USH2A: variants seen among roughly 807,000 people sequenced by gnomAD.
USH2A encodes the protein usherin.
Under a neutral mutation model 538.9 loss-of-function variants are expected in USH2A, and 443 were observed. The ratio of observed to expected loss-of-function variants is 0.82; its 90% CI spans 0.76 to 0.89. The LOEUF is 0.89. USH2A is among the 40% of genes least tolerant of loss of function. The pLI, the probability that USH2A is intolerant of heterozygous loss-of-function variation, is 0.00. For synonymous variants in USH2A, 2,413 were observed against 2,273.5 expected (o/e 1.06, Z -1.75); for missense variants, 6,633 against 6,324.8 (o/e 1.05, Z -1.65).
chr1:216,232,922 T>C (rs2035730305), intron 13 of USH2A, among the ~76,000 whole-genome samples: 1 of 152,178 alleles, frequency 6.6e-6, no homozygotes, highest in South Asian at 2.1e-4. Context: ...ATTGAGAAGG[T>C]TAACACACTT....
rs1036368357 is a variant in USH2A, at chr1:215,691,674, T to C, written c.12067-11298A>G. On this transcript the variant is annotated intron_variant, in intron 61 of 71. Transcript: ENST00000307340. ...TTATGATTATTGCTTGTTGTCTGTC[T>C]TTCCTTGCCAGAATGTAAACTCCAC... 2.0e-5 allele frequency among the ~76,000 whole-genome samples: 3 copies of C among 152,224 alleles called. No individual in the cohort carries two copies. The East Asian group carries it at 5.8e-4, about 29-fold the overall frequency.
At position 215,888,440 on chromosome 1, in the gene USH2A, G is replaced by A; in HGVS notation, c.8209C>T (p.Pro2737Ser). The part of the protein sequence containing the change: ...VQPPVVTVLE[P>S]DAVQVTWKPP... ...CAGTATCTTACCTGGACTGCATCGG[G>A]TTCCAGCACTGTCACCACAGGTGGC... Residue 2737 changes from proline to serine, a missense_variant, in exon 41 of 72, where the codon CCC becomes TCC. Coordinates refer to ENST00000307340, the MANE Select transcript of USH2A (RefSeq NM_206933.4). 6.2e-7 allele frequency: 1 copy of A among 1,613,270 alleles called. No individual in the cohort carries two copies. The highest frequency in any genetic ancestry group is 8.5e-7 in the Non-Finnish European group (1 of 1,180,010).
At chr1:215,743,386 A>ATG (rs61304768) in intron 58 of USH2A, 51 bp from the exon 59 acceptor site, 4,237 of 328,388 alleles carry the variant, frequency 0.013, 410 homozygotes, top group African/African-American at 0.12. Context: ...ATATATATAT[A>ATG]TGTGTGTGTG....
chr1:215,803,919 C>T (rs558642468), intron 49 of USH2A, among the ~76,000 whole-genome samples: 82 of 152,296 alleles, frequency 5.4e-4, no homozygotes, highest in African/African-American at 1.9e-3. Flanking sequence ...CAGCATGGTA[C>T]TGGTACCAAA....
At chr1:215,980,376 G>A (rs1444661494) in intron 35 of USH2A, among the ~76,000 whole-genome samples, 1 of 152,128 alleles carries the variant, frequency 6.6e-6, no homozygotes, top group Non-Finnish European at 1.5e-5. Flanking sequence ...AGACTCTACA[G>A]TGCATACAAC....
chr1:216,219,506 TAA>T (rs1480695836), intron 14 of USH2A, among the ~76,000 whole-genome samples: 3 of 152,140 alleles, frequency 2.0e-5, no homozygotes, highest in East Asian at 3.9e-4. Flanking sequence ...TGTCATTTTA[TAA>T]GTTATCCCTC....
chr1:215,799,012 T>G lies in USH2A; in HGVS notation c.9853A>C (p.Arg3285=). 6.2e-7 allele frequency: 1 copy of G among 1,614,086 alleles called. No individual in the cohort carries two copies. The highest frequency in any genetic ancestry group is 8.5e-7 in the Non-Finnish European group (1 of 1,179,994). The change falls in exon 50 of 72, where the codon AGG becomes CGG. Residue 3285 remains arginine (R), a synonymous_variant. Transcript: ENST00000307340. ...TTCTGGCCATGGCCATCATGAAGCC[T>G]CCCAGCACAGCAAATCTGGTTTCCT... The part of the protein sequence containing the change: ...TSGNQICCAG[R]LHDGHGQKCC...
At chr1:216,235,756 G>T (rs762279313) in intron 13 of USH2A, among the ~76,000 whole-genome samples, 25 of 152,218 alleles carry the variant, frequency 1.6e-4, no homozygotes, top group Non-Finnish European at 3.1e-4. Context: ...GAAAAGAAGT[G>T]TAACCTCTAG....
chr1:215,971,343 A>G (rs1456702607), intron 35 of USH2A, among the ~76,000 whole-genome samples: 1 of 152,196 alleles, frequency 6.6e-6, no homozygotes, highest in African/African-American at 2.4e-5. Context: ...TCAAAAGGGC[A>G]TCTCTTTATA....
intron 62 of USH2A, among the ~76,000 whole-genome samples, chr1:215,679,262 A>G (rs1658142773): frequency 6.6e-6 from 1 of 152,236 alleles, no homozygotes; most frequent in Admixed American, 6.5e-5. Context: ...TATTAAAAGT[A>G]ACAGCTTAGT....
chr1:215,782,884 T>C lies in USH2A; in HGVS notation c.10439A>G (p.Asn3480Ser). The C allele has an allele frequency of 1.2e-6, 2 of 1,613,846 alleles. No homozygotes were observed. The highest frequency in any genetic ancestry group is 1.7e-6 in the Non-Finnish European group (2 of 1,179,870). ...MTYEYRISAW[N>S]SYGRGLSKAV... The stretch of plus-strand genomic sequence containing the variant: ...TTTGCTGAGTCCTCGCCCATAGCTG[T>C]TCCAGGCAGAAATCCTGTACTCATA... Residue 3480 changes from asparagine (N) to serine (S), a missense_variant, in exon 53 of 72, where the codon AAC becomes AGC. Coordinates refer to ENST00000307340, the MANE Select transcript of USH2A (RefSeq NM_206933.4).
At chr1:216,350,426 T>G (rs1407900209) in intron 4 of USH2A, among the ~76,000 whole-genome samples, 2 of 152,152 alleles carry the variant, frequency 1.3e-5, no homozygotes, top group Non-Finnish European at 2.9e-5. Context: ...CCCTTCTACC[T>G]ATGAGCCTGT....
intron 21 of USH2A, among the ~76,000 whole-genome samples, chr1:216,101,103 A>G (rs1240298129): frequency 6.6e-6 from 1 of 152,210 alleles, no homozygotes; most frequent in African/African-American, 2.4e-5. Flanking sequence ...CTTTTGTGCA[A>G]AATCTATGAC....
At chr1:216,057,326 T>C (rs2031010709) in intron 30 of USH2A, among the ~76,000 whole-genome samples, 1 of 152,108 alleles carries the variant, frequency 6.6e-6, no homozygotes, top group South Asian at 2.1e-4. Context: ...TCATAGGCCA[T>C]ATTTTCGTCC....
intron 21 of USH2A, among the ~76,000 whole-genome samples, chr1:216,157,119 A>G (rs2102625614): frequency 6.6e-6 from 1 of 152,148 alleles, no homozygotes; most frequent in South Asian, 2.1e-4. Flanking sequence ...TGATCCACCC[A>G]CCTCGGCCTC....
At chr1:215,820,160 G>T (rs892439306) in intron 47 of USH2A, among the ~76,000 whole-genome samples, 1 of 151,348 alleles carries the variant, frequency 6.6e-6, no homozygotes, top group Non-Finnish European at 1.5e-5. Context: ...AACTGTTATA[G>T]TTTTTTTTAG....
chr1:215,972,286 G>A (rs1025036143), intron 35 of USH2A, among the ~76,000 whole-genome samples: 2 of 152,168 alleles, frequency 1.3e-5, no homozygotes, highest in Admixed American at 1.3e-4. Flanking sequence ...CAAAGCACCT[G>A]CAGCCTCAAG....
intron 37 of USH2A, among the ~76,000 whole-genome samples, chr1:215,956,372 T>C (rs767160293): frequency 1.3e-5 from 2 of 152,222 alleles, no homozygotes; most frequent in Non-Finnish European, 2.9e-5. Flanking sequence ...ATGGTGTGAG[T>C]ATTTTTAAAT....
intron 38 of USH2A, among the ~76,000 whole-genome samples, chr1:215,918,841 GTT>G (rs1666027063): frequency 6.6e-6 from 1 of 152,030 alleles, no homozygotes; most frequent in African/African-American, 2.4e-5. Context: ...ATCAGTGATA[GTT>G]ATTTGTTTCT....
Sources: gnomAD v4.1 joint callset for allele counts (sites outside exome capture counted in the v4.1 genomes callset) on GRCh38, gnomAD v4.1.1 for gene constraint, MANE v1.5 for transcripts, NCBI Gene and HGNC (gene_info 2026-07-23, HGNC 2026-07-21) for gene names.